The following SGCD variants were observed in gnomAD, a reference collection of about 807,000 sequenced individuals.
SGCD encodes the protein sarcoglycan delta, also known as delta-sarcoglycan.
Under a neutral mutation model 36.6 loss-of-function variants are expected in SGCD, and 18 were observed. The observed-to-expected ratio is 0.49, with a 90% confidence interval of 0.34 to 0.73. The LOEUF (loss-of-function observed/expected upper bound fraction) is 0.73, where lower values mean the gene tolerates loss of function less well. SGCD is among the 30% of genes least tolerant of loss of function. The pLI, the probability that SGCD is intolerant of heterozygous loss-of-function variation, is 0.01. For missense variants in SGCD, 387 were observed against 346.7 expected (o/e 1.12, Z -0.92); for synonymous variants, 133 against 130.6 (o/e 1.02, Z -0.12).
chr5:155,954,057 A>G (rs1247325104), intron 1 of SGCD, among the ~76,000 whole-genome samples: 1 of 152,176 alleles, frequency 6.6e-6, no homozygotes, highest in Non-Finnish European at 1.5e-5. Flanking sequence ...AAGAAAATAG[A>G]CCAATTTCAC....
intron 5 of SGCD, among the ~76,000 whole-genome samples, chr5:156,592,403 G>A (rs530841168): frequency 6.6e-6 from 1 of 152,214 alleles, no homozygotes. Flanking sequence ...TCAAGGTTTT[G>A]ATGCCATCAA....
intron 6 of SGCD, among the ~76,000 whole-genome samples, chr5:156,600,157 G>T (rs1254811991): frequency 6.6e-6 from 1 of 151,838 alleles, no homozygotes; most frequent in Non-Finnish European, 1.5e-5. Context: ...ATTTCTTTTT[G>T]ATGACAACAT....
rs535785565 is a variant in SGCD, at chr5:156,186,081, C to CA, written c.-44+62073dup. On this transcript the variant is annotated intron_variant, in intron 3 of 9. Transcript: ENST00000517913. ...TAGTGTCATTAGAAGACTTTCCTGGCAAAAAAAAAAATACCTATTTCCAAC... is the reference window on the plus strand; with the variant it reads ...TAGTGTCATTAGAAGACTTTCCTGGCAAAAAAAAAAAATACCTATTTCCAAC... Among the ~76,000 whole-genome samples the CA allele has an allele frequency of 6.5e-3, 918 of 140,996 alleles. 5 individuals are homozygous for CA. Among genetic ancestry groups the CA allele is most frequent in the African/African-American group, 0.013 (503 of 38,512 alleles). 92.5% of individuals were successfully genotyped at this position (140,996 alleles called of 152,430 possible).
At chr5:156,227,564 G>A (rs752187521) in intron 3 of SGCD, among the ~76,000 whole-genome samples, 4 of 151,986 alleles carry the variant, frequency 2.6e-5, no homozygotes, top group Admixed American at 2.6e-4. Context: ...TTTATGCTTA[G>A]TCTTGCTTTG....
At position 156,015,544 on chromosome 5, in the gene SGCD, T is replaced by C. The variant is rs1581042994; in HGVS notation, c.-281-102334T>C. ...TAGGTGGCTCATTATTACTGGGGTG[T>C]TTTTTCTTGTAAGCCTGTTTACCAG... On this transcript the variant is annotated intron_variant, in intron 1 of 9. Transcript: ENST00000517913. 2.0e-5 allele frequency among the ~76,000 whole-genome samples: 3 copies of C among 152,008 alleles called. No individual in the cohort carries two copies. The East Asian group carries it at 5.8e-4, about 29-fold the overall frequency.
At chr5:155,952,364 T>C (rs1472694405) in intron 1 of SGCD, among the ~76,000 whole-genome samples, 9 of 152,140 alleles carry the variant, frequency 5.9e-5, no homozygotes, top group Non-Finnish European at 1.3e-4. Context: ...TTTTTTTTAA[T>C]GTGACTGAAT....
intron 3 of SGCD, among the ~76,000 whole-genome samples, chr5:156,425,069 C>T (rs979664295): frequency 2.0e-5 from 3 of 152,012 alleles, no homozygotes; most frequent in Admixed American, 2.0e-4. Context: ...AGAAACTTTC[C>T]AAAATCCAAC....
At chr5:156,527,524 G>A (rs545923512) in intron 4 of SGCD, among the ~76,000 whole-genome samples, 11 of 152,286 alleles carry the variant, frequency 7.2e-5, no homozygotes, top group African/African-American at 2.2e-4. Context: ...AAGTACACTA[G>A]ATTCAAAGTC....
At chr5:155,845,746 C>T in the SGCD span, among the ~76,000 whole-genome samples, 1 of 152,172 alleles carries the variant, frequency 6.6e-6, no homozygotes, top group Non-Finnish European at 1.5e-5. Flanking sequence ...TTCACACAAC[C>T]TCCTGGGAGG....
chr5:156,100,753 T>C (rs1257556597), intron 1 of SGCD, among the ~76,000 whole-genome samples: 4 of 152,214 alleles, frequency 2.6e-5, no homozygotes, highest in Non-Finnish European at 5.9e-5. Context: ...CTCTATTGAT[T>C]TGTAATACAT....
chr5:155,769,989 AT>A, the SGCD span, among the ~76,000 whole-genome samples: 23 of 149,848 alleles, frequency 1.5e-4, no homozygotes, highest in South Asian at 6.4e-4. Flanking sequence ...TTGCTTCTCC[AT>A]TTTTTTTTCT....
intron 3 of SGCD, among the ~76,000 whole-genome samples, chr5:156,476,773 T>C (rs1173555658): frequency 1.3e-5 from 2 of 152,174 alleles, no homozygotes; most frequent in Non-Finnish European, 2.9e-5. Context: ...GCTTCAGTTA[T>C]AACAATGACT....
chr5:156,216,092 A>G (rs188538545), intron 3 of SGCD, among the ~76,000 whole-genome samples: 9 of 152,324 alleles, frequency 5.9e-5, no homozygotes, highest in Non-Finnish European at 7.4e-5. Flanking sequence ...AACAAATAAC[A>G]TGTGATCTCA....
intron 1 of SGCD, among the ~76,000 whole-genome samples, chr5:156,095,656 T>C (rs1185491380): frequency 6.6e-6 from 1 of 151,974 alleles, no homozygotes; most frequent in Admixed American, 6.5e-5. Context: ...TGGATTTCAG[T>C]GAGCAAGATA....
At chr5:156,561,636 T>C (rs771078145) in intron 4 of SGCD, among the ~76,000 whole-genome samples, 7 of 152,208 alleles carry the variant, frequency 4.6e-5, no homozygotes, top group African/African-American at 7.2e-5. Context: ...CTAATGGTGT[T>C]GAATAGACTT....
intron 3 of SGCD, among the ~76,000 whole-genome samples, chr5:156,250,047 G>C (rs1765537191): frequency 6.6e-6 from 1 of 152,176 alleles, no homozygotes; most frequent in Non-Finnish European, 1.5e-5. Context: ...GTGTGATGTG[G>C]CTGTCTCTGG....
intron 1 of SGCD, among the ~76,000 whole-genome samples, chr5:156,059,846 A>G (rs572648981): frequency 1.4e-5 from 2 of 146,836 alleles, no homozygotes; most frequent in East Asian, 3.9e-4. Flanking sequence ...CAATCTGTGA[A>G]CTATTTCCCA....
chr5:155,901,261 G>A (rs879517920), intron 1 of SGCD, among the ~76,000 whole-genome samples: 6 of 150,672 alleles, frequency 4.0e-5, no homozygotes, highest in Non-Finnish European at 7.4e-5. Flanking sequence ...GCAGTGAGCC[G>A]AGATAGTACC....
At chr5:156,529,212 G>A (rs569548192) in intron 4 of SGCD, among the ~76,000 whole-genome samples, 1 of 152,022 alleles carries the variant, frequency 6.6e-6, no homozygotes, top group Admixed American at 6.6e-5. Flanking sequence ...GGATAACGAG[G>A]TCAAGAGATC....
Sources: allele counts gnomAD v4.1 joint callset (sites outside exome capture counted in the v4.1 genomes callset), GRCh38; gene constraint gnomAD v4.1.1; transcripts MANE v1.5; gene names NCBI Gene and HGNC (gene_info 2026-07-23, HGNC 2026-07-21).